The following NDUFAF2 variants were observed in gnomAD, a reference collection of about 807,000 sequenced individuals.
NDUFAF2 encodes the protein NADH dehydrogenase [ubiquinone] 1 alpha subcomplex assembly factor 2.
In NDUFAF2, 13 loss-of-function variants were observed where a neutral mutation model predicts 22.8. The ratio of observed to expected loss-of-function variants is 0.57; its 90% CI spans 0.37 to 0.91. NDUFAF2 has a LOEUF of 0.91. NDUFAF2 is among the 40% of genes least tolerant of loss of function. NDUFAF2 has a pLI of 0.01. For synonymous variants in NDUFAF2, 53 were observed against 64.2 expected (o/e 0.83, Z 0.84); for missense variants, 162 against 195.2 (o/e 0.83, Z 1.01).
chr5:61,128,973 A>C (rs1386388505), intron 3 of NDUFAF2, among the ~76,000 whole-genome samples: 6 of 152,216 alleles, frequency 3.9e-5, no homozygotes, highest in Non-Finnish European at 7.3e-5. Context: ...ACCCCATCAA[A>C]AAGTGGGCAA....
At chr5:61,030,192 G>A (rs1751706075) in intron 1 of NDUFAF2, among the ~76,000 whole-genome samples, 1 of 151,992 alleles carries the variant, frequency 6.6e-6, no homozygotes, top group Admixed American at 6.6e-5. Flanking sequence ...TAGTAATGTA[G>A]CATATATACA....
At chr5:61,021,209 T>C (rs1751579597) in intron 1 of NDUFAF2, among the ~76,000 whole-genome samples, 1 of 152,106 alleles carries the variant, frequency 6.6e-6, no homozygotes, top group Non-Finnish European at 1.5e-5. Flanking sequence ...AAAATTAGTC[T>C]CTCTGGGATA....
chr5:61,049,522 A>G (rs1341698544), intron 1 of NDUFAF2, among the ~76,000 whole-genome samples: 1 of 152,140 alleles, frequency 6.6e-6, no homozygotes, highest in Non-Finnish European at 1.5e-5. Context: ...ATATATTCAC[A>G]TTATTGTTCA....
At chr5:61,002,550 T>C (rs1021860036) in intron 1 of NDUFAF2, among the ~76,000 whole-genome samples, 2 of 152,180 alleles carry the variant, frequency 1.3e-5, no homozygotes, top group African/African-American at 4.8e-5. Flanking sequence ...CTTACCCAAA[T>C]GGTATACTTA....
intron 2 of NDUFAF2, among the ~76,000 whole-genome samples, chr5:61,089,795 A>G (rs1752545026): frequency 6.6e-6 from 1 of 152,094 alleles, no homozygotes; most frequent in African/African-American, 2.4e-5. Flanking sequence ...TCTTATATTA[A>G]TGGATGAATT....
At chr5:61,022,697 T>A (rs1465021174) in intron 1 of NDUFAF2, among the ~76,000 whole-genome samples, 1 of 152,184 alleles carries the variant, frequency 6.6e-6, no homozygotes, top group African/African-American at 2.4e-5. Context: ...CAGGCTGGAG[T>A]GTAGTGGCGT....
chr5:60,996,319 T>C (rs1360758426), intron 1 of NDUFAF2, among the ~76,000 whole-genome samples: 1 of 152,056 alleles, frequency 6.6e-6, no homozygotes, highest in Non-Finnish European at 1.5e-5. Flanking sequence ...TGGACCAGGG[T>C]GTATCTAGAA....
chr5:61,040,251 G>GACACACACACACAC (rs55910021), intron 1 of NDUFAF2, among the ~76,000 whole-genome samples: 34 of 131,982 alleles, frequency 2.6e-4, no homozygotes, highest in East Asian at 1.2e-3. Flanking sequence ...AAGAGGAAAG[G>GACACACACACACAC]ACACACACAC....
intron 1 of NDUFAF2, among the ~76,000 whole-genome samples, chr5:60,985,361 A>AT (rs1489368944): frequency 1.3e-5 from 2 of 151,756 alleles, no homozygotes; most frequent in East Asian, 1.9e-4. Flanking sequence ...GGATTCATTG[A>AT]TTTTTTGAAG....
intron 2 of NDUFAF2, among the ~76,000 whole-genome samples, chr5:61,093,083 C>T (rs999287347): frequency 5.9e-5 from 9 of 152,174 alleles, no homozygotes; most frequent in African/African-American, 2.2e-4. Flanking sequence ...GTCTGAAGTT[C>T]GAGAGCAGGA....
chr5:61,046,922 C>T (rs1751960964), intron 1 of NDUFAF2, among the ~76,000 whole-genome samples: 1 of 152,142 alleles, frequency 6.6e-6, no homozygotes, highest in Admixed American at 6.6e-5. Flanking sequence ...CACCCACCTA[C>T]ATTTATTTCT....
At position 61,089,376 on chromosome 5, in the gene NDUFAF2, A is replaced by T. The variant is rs532722836; in HGVS notation, c.218-9616A>T. 9.9e-5 allele frequency among the ~76,000 whole-genome samples: 15 copies of T among 152,276 alleles called. 1 individual carries two copies. The highest frequency in any genetic ancestry group is 3.6e-4 in the African/African-American group (15 of 41,576). On this transcript the variant is annotated intron_variant, in intron 2 of 3. Transcript: ENST00000296597. ...GCAGTGGCAAAATTATATAATTTAT[A>T]ATTGGATAATGGTTCAGTTTCAGAC...
At chr5:60,989,946 T>C (rs28781684) in intron 1 of NDUFAF2, among the ~76,000 whole-genome samples, 9,666 of 152,158 alleles carry the variant, frequency 0.064, 1,007 homozygotes, top group African/African-American at 0.22. Flanking sequence ...GTGGTACATA[T>C]ATAAAATGGA....
Position 61,019,947 on chromosome 5 carries a change from G to C in NDUFAF2, c.128-53178G>C, listed in dbSNP as rs115494240. On this transcript the variant is annotated intron_variant, in intron 1 of 3. Transcript: ENST00000296597. Reference sequence around the variant, plus strand: ...TTAACAGTTAGATATTCTGGTCTTGGTGTTTTTTACAGAAAGATTTTTGAC... The same window carrying C: ...TTAACAGTTAGATATTCTGGTCTTGCTGTTTTTTACAGAAAGATTTTTGAC... Among the ~76,000 whole-genome samples the C allele has an allele frequency of 9.5e-3, 1,446 of 152,096 alleles. 9 individuals carry two copies. The highest frequency in any genetic ancestry group is 0.014 in the Non-Finnish European group (946 of 67,940).
intron 1 of NDUFAF2, among the ~76,000 whole-genome samples, chr5:61,021,197 C>T (rs566934816): frequency 5.3e-5 from 8 of 152,178 alleles, no homozygotes; most frequent in Non-Finnish European, 1.0e-4. Flanking sequence ...GGTCAGATAG[C>T]CAAAATTAGT....
chr5:61,011,177 A>G (rs999317452), intron 1 of NDUFAF2, among the ~76,000 whole-genome samples: 9 of 152,112 alleles, frequency 5.9e-5, no homozygotes, highest in Non-Finnish European at 1.0e-4. Flanking sequence ...GCTGTTCTTC[A>G]TATGAGGTTT....
chr5:61,078,075 GTC>G (rs1466469343), intron 2 of NDUFAF2, among the ~76,000 whole-genome samples: 1 of 152,004 alleles, frequency 6.6e-6, no homozygotes, highest in African/African-American at 2.4e-5. Flanking sequence ...GACCTGGCCC[GTC>G]ACCCCCAGTG....
rs564913263 is a variant in NDUFAF2 at position 61,152,701 on chromosome 5, C to A, written c.259-3C>A. ...AATTTCTTCCATTTATATATACATG[C>A]AGGAAATACTAAAGAATGAAAAACA... On this transcript the variant is annotated splice_region_variant and splice_polypyrimidine_tract_variant and intron_variant, in intron 3 of 3. Coordinates refer to ENST00000296597, the MANE Select transcript of NDUFAF2 (RefSeq NM_174889.5). The A allele has an allele frequency of 1.0e-5, 16 of 1,537,850 alleles. No individual in the cohort carries two copies. The Admixed American group carries it at 1.3e-4, about 13-fold the overall frequency.
intron 3 of NDUFAF2, among the ~76,000 whole-genome samples, chr5:61,151,670 C>T (rs923194522): frequency 2.6e-5 from 4 of 151,858 alleles, no homozygotes; most frequent in African/African-American, 7.3e-5. Flanking sequence ...CCCAGCTACT[C>T]GGGAGGCTGA....
Sources: gnomAD v4.1 joint callset for allele counts (sites outside exome capture counted in the v4.1 genomes callset) on GRCh38, gnomAD v4.1.1 for gene constraint, MANE v1.5 for transcripts, NCBI Gene and HGNC (gene_info 2026-07-23, HGNC 2026-07-21) for gene names.